The following CDH11 variants were observed in gnomAD, a reference collection of about 807,000 sequenced individuals.
CDH11 encodes the protein cadherin-11.
In CDH11, 11 loss-of-function variants were observed where a neutral mutation model predicts 67.8. The ratio of observed to expected loss-of-function variants is 0.16; its 90% CI spans 0.10 to 0.27. The LOEUF is 0.27. Among genes scored for constraint, CDH11 ranks in the 10% least tolerant of loss-of-function variants. CDH11 has a pLI of 1.00. For synonymous variants in CDH11, 419 were observed against 400.0 expected (o/e 1.05, Z -0.57); for missense variants, 847 against 1,031.2 (o/e 0.82, Z 2.45).
chr16:64,993,918 T>C (rs1482284420), intron 4 of CDH11, among the ~76,000 whole-genome samples: 1 of 152,140 alleles, frequency 6.6e-6, no homozygotes, highest in Non-Finnish European at 1.5e-5. Flanking sequence ...CTGCTGGGCA[T>C]TTTTTACATC....
In CDH11 at chr16:64,946,362, G is replaced by A; in HGVS notation, c.*1241C>T. 1.1e-5 allele frequency: 11 copies of A among 976,796 alleles called. No individual in the cohort carries two copies. Among genetic ancestry groups the A allele is most frequent in the Non-Finnish European group, 1.3e-5 (11 of 828,274 alleles). The allele number at this position is 976,796 out of a possible 1,614,324, so 60.5% of individuals were successfully genotyped here. A position where few individuals can be genotyped will look rare whatever the true frequency, so the allele number is the denominator to read the frequency against. ...CCCCCAGTTCCCCAGTGCTCAGTGT[G>A]GGGCATAGAATGTATACCTGGAACA... On this transcript the variant is annotated 3_prime_UTR_variant, in exon 13 of 13. Coordinates refer to ENST00000268603, the MANE Select transcript of CDH11 (RefSeq NM_001797.4).
chr16:64,953,958 AT>A (rs1157783112), intron 11 of CDH11, among the ~76,000 whole-genome samples: 1 of 152,184 alleles, frequency 6.6e-6, no homozygotes, highest in Non-Finnish European at 1.5e-5. Context: ...GGAACAGAAT[AT>A]TTTTATTTTT....
At chr16:65,054,437 A>C (rs2074111340) in intron 1 of CDH11, among the ~76,000 whole-genome samples, 1 of 152,206 alleles carries the variant, frequency 6.6e-6, no homozygotes, top group South Asian at 2.1e-4. Context: ...TCCCCACTCC[A>C]GCAGACCAGA....
intron 7 of CDH11, chr16:64,985,391 T>C (rs2072460085): frequency 6.6e-6 from 1 of 152,142 alleles, no homozygotes; most frequent in African/African-American, 2.4e-5. Flanking sequence ...TTAACAAGTT[T>C]GTTTGTTGGT....
At chr16:65,048,544 T>G (rs946208261) in intron 2 of CDH11, among the ~76,000 whole-genome samples, 1 of 152,036 alleles carries the variant, frequency 6.6e-6, no homozygotes, top group Non-Finnish European at 1.5e-5. Flanking sequence ...TGTGTGTGTG[T>G]GTATATACAT....
rs746075873 is a variant in CDH11, at chr16:64,982,330, C to T, written c.1000-29G>A. Reference sequence around the variant, plus strand: ...GCAAGAATGAAGAGAAGATTGACAACCAATTCCTTGAAAGAATAATGGAAG... The same window carrying T: ...GCAAGAATGAAGAGAAGATTGACAATCAATTCCTTGAAAGAATAATGGAAG... On this transcript the variant is annotated intron_variant, in intron 7 of 12. Transcript: ENST00000268603. 7 of 1,566,400 alleles carry T rather than the reference C, an allele frequency of 4.5e-6. No homozygotes were observed. The African/African-American group carries it at 8.2e-5, about 18-fold the overall frequency.
At chr16:65,034,579 AG>A (rs1454696513) in intron 2 of CDH11, among the ~76,000 whole-genome samples, 1 of 152,170 alleles carries the variant, frequency 6.6e-6, no homozygotes, top group Non-Finnish European at 1.5e-5. Flanking sequence ...GTAATAGTAG[AG>A]TACACTTCTC....
intron 1 of CDH11, among the ~76,000 whole-genome samples, chr16:65,072,642 T>C (rs2074438399): frequency 6.6e-6 from 1 of 152,208 alleles, no homozygotes; most frequent in Non-Finnish European, 1.5e-5. Context: ...TTTTTCAGAA[T>C]GGAAACACAC....
chr16:64,959,572 G>A (rs1042897393), intron 11 of CDH11, among the ~76,000 whole-genome samples: 16 of 152,060 alleles, frequency 1.1e-4, no homozygotes, highest in African/African-American at 1.9e-4. Context: ...AGGAGAGAGC[G>A]GGTTCAAAGA....
intron 11 of CDH11, among the ~76,000 whole-genome samples, chr16:64,967,008 T>A (rs1332249074): frequency 6.6e-6 from 1 of 152,162 alleles, no homozygotes; most frequent in African/African-American, 2.4e-5. Context: ...TGGCTTTAAA[T>A]GATGAAAGTA....
At chr16:64,976,972 C>G (rs1412952578) in intron 8 of CDH11, among the ~76,000 whole-genome samples, 2 of 152,122 alleles carry the variant, frequency 1.3e-5, no homozygotes, top group Non-Finnish European at 2.9e-5. Flanking sequence ...CCAGGAGGAT[C>G]ACTTAAGCCC....
intron 7 of CDH11, chr16:64,986,940 T>C (rs1172753900): frequency 6.6e-6 from 1 of 152,230 alleles, no homozygotes; most frequent in Non-Finnish European, 1.5e-5. Flanking sequence ...TCAGGACCTG[T>C]CTTCCCCCAC....
intron 1 of CDH11, among the ~76,000 whole-genome samples, chr16:65,073,095 A>T (rs2074446281): frequency 6.6e-6 from 1 of 152,160 alleles, no homozygotes; most frequent in South Asian, 2.1e-4. Context: ...ACAGTTATTG[A>T]AAATCCAATA....
At chr16:65,053,353 G>A (rs1368169627) in intron 2 of CDH11, among the ~76,000 whole-genome samples, 12 of 152,120 alleles carry the variant, frequency 7.9e-5, no homozygotes, top group Non-Finnish European at 1.8e-4. Flanking sequence ...CTCCTGGCTC[G>A]TGATCGAGGG....
intron 8 of CDH11, among the ~76,000 whole-genome samples, 160 bp from the exon 9 acceptor site, chr16:64,973,200 C>G (rs2072062061): frequency 6.6e-6 from 1 of 152,166 alleles, no homozygotes; most frequent in East Asian, 1.9e-4. Flanking sequence ...GTACACGATT[C>G]TTTTATAGAA....
At chr16:64,961,514 C>T (rs760148971) in intron 11 of CDH11, among the ~76,000 whole-genome samples, 5 of 152,020 alleles carry the variant, frequency 3.3e-5, no homozygotes, top group Non-Finnish European at 5.9e-5. Flanking sequence ...TATGTCAGTG[C>T]CTTTATCTCT....
intron 2 of CDH11, among the ~76,000 whole-genome samples, chr16:65,028,608 T>C (rs1331621926): frequency 1.3e-5 from 2 of 152,198 alleles, no homozygotes; most frequent in Non-Finnish European, 2.9e-5. Context: ...GGCTGAGTGC[T>C]TACAAGACGC....
intron 2 of CDH11, among the ~76,000 whole-genome samples, chr16:65,009,369 A>G (rs1410767432): frequency 6.6e-6 from 1 of 152,302 alleles, no homozygotes; most frequent in African/African-American, 2.4e-5. Context: ...TTTAAACAAC[A>G]TATGACACAA....
At chr16:65,053,459 A>G (rs144341859) in intron 2 of CDH11, among the ~76,000 whole-genome samples, 1 of 152,314 alleles carries the variant, frequency 6.6e-6, no homozygotes, top group Non-Finnish European at 1.5e-5. Context: ...ACTTATTTCA[A>G]AAGAAAAGGG....
Sources: allele counts gnomAD v4.1 joint callset (sites outside exome capture counted in the v4.1 genomes callset), GRCh38; gene constraint gnomAD v4.1.1; transcripts MANE v1.5; gene names NCBI Gene and HGNC (gene_info 2026-07-23, HGNC 2026-07-21).